MROH2B: variants seen among roughly 807,000 people sequenced by gnomAD.
MROH2B encodes the protein maestro heat like repeat family member 2B.
In MROH2B, 177 loss-of-function variants were observed where a neutral mutation model predicts 208.6. The observed-to-expected ratio is 0.85, with a 90% CI of 0.75 to 0.96. MROH2B has a LOEUF of 0.96. Ranked by LOEUF, MROH2B falls within the 40% of genes least tolerant of loss-of-function variation. MROH2B has a pLI of 0.00. For synonymous variants in MROH2B, 728 were observed against 659.0 expected, an observed-to-expected ratio of 1.10 and a Z score of -1.60; for missense variants, 2,002 against 1,878.7, an observed-to-expected ratio of 1.07 and a Z score of -1.21.
chr5:41,019,190 C>A (rs1742061515), intron 24 of MROH2B, among the ~76,000 whole-genome samples, 172 bp from the exon 25 acceptor site: 1 of 152,164 alleles, frequency 6.6e-6, no homozygotes, highest in African/African-American at 2.4e-5. Flanking sequence ...GATGGGAACA[C>A]AGAATCAGAC....
Position 41,068,022 on chromosome 5 carries a change from A to G in MROH2B, c.91-804T>C, listed in dbSNP as rs566894097. ...GCAGACAGAAAGTTGTGGACATTTT[A>G]GACAGGGCCTCCAGTTGTGTGGCTT... On this transcript the variant is annotated intron_variant, in intron 2 of 41. Transcript: ENST00000399564. Among the ~76,000 whole-genome samples the G allele has an allele frequency of 1.3e-4, 20 of 152,250 alleles. 2 individuals are homozygous for G. In the South Asian group the frequency reaches 4.1e-3, roughly 32 times the overall value.
Position 41,057,311 on chromosome 5 carries a change from G to A in MROH2B, c.806C>T (p.Pro269Leu). The change falls in exon 8 of 42, where the codon CCA (proline) becomes CTA (leucine). Residue 269 changes from proline to leucine, a missense_variant. Coordinates refer to ENST00000399564, the MANE Select transcript of MROH2B (RefSeq NM_173489.5). ...AAAGATGGATCTTCTCAAGCTCCTT[G>A]GAAGGCCAATGTCATAAAGAACTGC... ...TAAVLYDIGL[P>L]RSLRRSIFIN... 2 of 1,593,604 alleles carry A rather than the reference G, an allele frequency of 1.3e-6. No individual in the cohort carries two copies. The highest frequency in any genetic ancestry group is 1.7e-6 in the Non-Finnish European group (2 of 1,169,210).
chr5:41,025,863 G>C (rs1742339631), intron 24 of MROH2B, among the ~76,000 whole-genome samples: 1 of 152,182 alleles, frequency 6.6e-6, no homozygotes, highest in Non-Finnish European at 1.5e-5. Context: ...TCATCCCAGG[G>C]ATGCAAGGCT....
chr5:41,070,945 A>C lies in MROH2B; in HGVS notation c.-93T>G. 224 of 1,298,410 alleles carry C rather than the reference A, an allele frequency of 1.7e-4. No homozygotes were observed. The highest frequency in any genetic ancestry group is 2.2e-4 in the Non-Finnish European group (204 of 915,416). 80.4% of individuals were successfully genotyped at this position (1,298,410 alleles called of 1,614,324 possible). A position where few individuals can be genotyped will look rare whatever the true frequency, so the allele number is the denominator to read the frequency against. ...AAAGAGGCAGGTTGGCAAGTTTCTC[A>C]TATAAGGTTCACATAAGCCTCTCTA... On this transcript the variant is annotated 5_prime_UTR_variant, in exon 1 of 42. The change abolishes an upstream ATG in the 5' untranslated region. Transcript: ENST00000399564.
chr5:41,070,966 C>G lies in MROH2B; in HGVS notation c.-114G>C, dbSNP rs996020274. On this transcript the variant is annotated 5_prime_UTR_variant, in exon 1 of 42. Transcript: ENST00000399564. ...TCTCATATAAGGTTCACATAAGCCT[C>G]TCTAAATGAAAGTGCCTCCTCCACT... 10 of 1,058,576 alleles carry G rather than the reference C, an allele frequency of 9.4e-6. No individual in the cohort carries two copies. In the African/African-American group the frequency reaches 1.6e-4, roughly 17 times the overall value. The allele number at this position is 1,058,576 out of a possible 1,614,324, so 65.6% of individuals were successfully genotyped here. A position where few individuals can be genotyped will look rare whatever the true frequency, so the allele number is the denominator to read the frequency against.
chr5:41,064,567 GA>G lies in MROH2B; in HGVS notation c.364del (p.Ser122ProfsTer7), dbSNP rs774263608. ...CATCATCATGAAAGGAATACTCTGG[GA>G]CACTGGAGGGAGAGGCAGAAAGGAG... Reference protein sequence around the residue: ...ALAELATSYVSQSIPFMMMTL... With the variant: ...ALAELATSYVXQSIPFMMMTL... On this transcript the variant is annotated frameshift_variant and splice_region_variant, in exon 5 of 42. Coordinates refer to ENST00000399564, the MANE Select transcript of MROH2B (RefSeq NM_173489.5). LOFTEE classifies it high-confidence loss of function. 2 of 1,610,720 alleles carry G rather than the reference GA, an allele frequency of 1.2e-6. No homozygotes were observed. Among genetic ancestry groups the G allele is most frequent in the South Asian group, 2.2e-5 (2 of 90,596 alleles).
In MROH2B at chr5:41,064,555, G is replaced by A. The variant is rs1743741868; in HGVS notation, c.377C>T (p.Pro126Leu). ...LATSYVSQSI[P>L]FMMMTLLTMQ... ...GGTGAGCAGGGTCATCATCATGAAA[G>A]GAATACTCTGGGACACTGGAGGGAG... The change falls in exon 5 of 42, where the codon CCT becomes CTT. Residue 126 changes from proline to leucine, a missense_variant. Coordinates refer to ENST00000399564, the MANE Select transcript of MROH2B (RefSeq NM_173489.5). 7 of 1,612,922 alleles carry A rather than the reference G, an allele frequency of 4.3e-6. No homozygotes were observed. Among genetic ancestry groups the A allele is most frequent in the African/African-American group, 4.0e-5 (3 of 74,890 alleles).
intron 13 of MROH2B, among the ~76,000 whole-genome samples, chr5:41,050,215 T>C (rs1579949383): frequency 2.0e-5 from 3 of 152,224 alleles, no homozygotes; most frequent in Non-Finnish European, 2.9e-5. Flanking sequence ...AATGTTTAGC[T>C]CTTGCTTAAA....
intron 30 of MROH2B, among the ~76,000 whole-genome samples, chr5:41,010,582 G>A (rs1347645350): frequency 6.6e-6 from 1 of 152,184 alleles, no homozygotes; most frequent in Non-Finnish European, 1.5e-5. Context: ...GGGCATCCTT[G>A]TCAGAAAGAA....
chr5:41,036,764 C>T (rs1471135193), intron 21 of MROH2B, among the ~76,000 whole-genome samples: 3 of 151,980 alleles, frequency 2.0e-5, no homozygotes, highest in East Asian at 1.9e-4. Flanking sequence ...CAAACCTGCA[C>T]GTGTACCTCC....
chr5:41,056,885 C>G (rs1417301153), intron 9 of MROH2B, among the ~76,000 whole-genome samples: 4 of 151,816 alleles, frequency 2.6e-5, no homozygotes, highest in Non-Finnish European at 5.9e-5. Flanking sequence ...CTGGACCTAT[C>G]CCAGTCGTGG....
At chr5:41,018,466 T>A in intron 26 of MROH2B, 36 bp from the exon 27 acceptor site, 1 of 1,585,470 alleles carries the variant, frequency 6.3e-7, no homozygotes, top group Non-Finnish European at 8.6e-7. Flanking sequence ...TTCCTTAGTA[T>A]TCTTCATATT....
At chr5:41,069,372 C>A (rs577972008) in intron 2 of MROH2B, among the ~76,000 whole-genome samples, 120 of 152,180 alleles carry the variant, frequency 7.9e-4, no homozygotes, top group African/African-American at 2.8e-3. Context: ...TTTGTAACAA[C>A]CCTCAAATTA....
rs1741370445 is a variant in MROH2B, at chr5:41,000,730, CTCT to C, written c.4295_4297del (p.Lys1432del). 1 of 1,612,170 alleles carries C rather than the reference CTCT, an allele frequency of 6.2e-7. No homozygotes were observed. Among genetic ancestry groups the C allele is most frequent in the East Asian group, 2.2e-5 (1 of 44,862 alleles). ...AAGGTGCAGAAGGAATGAAATCAGG[CTCT>C]TTTTTATTTCTTCAGCAAAAAAAAT... On this transcript the variant is annotated inframe_deletion, in exon 38 of 42. Coordinates refer to ENST00000399564, the MANE Select transcript of MROH2B (RefSeq NM_173489.5).
intron 18 of MROH2B, among the ~76,000 whole-genome samples, chr5:41,042,875 G>T (rs1742998949): frequency 6.6e-6 from 1 of 152,214 alleles, no homozygotes; most frequent in South Asian, 2.1e-4. Context: ...GAAGTGCTGG[G>T]ATTTCAGGTA....
At chr5:41,032,903 T>C (rs1742621974) in intron 23 of MROH2B, 82 bp from the exon 24 acceptor site, 4 of 1,542,806 alleles carry the variant, frequency 2.6e-6, no homozygotes, top group Non-Finnish European at 3.5e-6. Context: ...ATCAGACCAT[T>C]GGGTGCCCTG....
At position 41,008,610 on chromosome 5, in the gene MROH2B, A is replaced by C. The variant is rs768495773; in HGVS notation, c.3604T>G (p.Cys1202Gly). 5.6e-6 allele frequency: 9 copies of C among 1,613,362 alleles called. No individual in the cohort carries two copies. In the East Asian group the frequency reaches 2.0e-4, roughly 36 times the overall value. Residue 1202 changes from cysteine (C) to glycine (G), a missense_variant, in exon 33 of 42, where the codon TGC becomes GGC. Cys to Gly is a radical substitution (Grantham distance 159). Transcript: ENST00000399564. ...QGEQQQIPDP[C>G]RLSTATLKCL... ...GCTTCCTGATTGGCCGTTTACCTGC[A>C]GGGGTCTGGGATCTGCTGCTGTTCT...
intron 6 of MROH2B, among the ~76,000 whole-genome samples, chr5:41,059,673 T>G (rs559078513): frequency 6.6e-6 from 1 of 152,320 alleles, no homozygotes; most frequent in African/African-American, 2.4e-5. Context: ...ACATCTTTGC[T>G]TCTTGAAAAC....
rs777308266 is a variant in MROH2B at position 41,065,307 on chromosome 5, A to C, written c.361+24T>G. 30 of 1,589,488 alleles carry C rather than the reference A, an allele frequency of 1.9e-5. No homozygotes were observed. In the East Asian group the frequency reaches 6.3e-4, roughly 33 times the overall value. Reference sequence around the variant, plus strand: ...TTAGAAGTTGTCATTTCCCAGGGAAAATTGGAGAATATTCCCGCTATACCA... The same window carrying C: ...TTAGAAGTTGTCATTTCCCAGGGAACATTGGAGAATATTCCCGCTATACCA... On this transcript the variant is annotated intron_variant, in intron 4 of 41. Coordinates refer to ENST00000399564, the MANE Select transcript of MROH2B (RefSeq NM_173489.5).
Sources: gnomAD v4.1 joint callset for allele counts (sites outside exome capture counted in the v4.1 genomes callset) on GRCh38, gnomAD v4.1.1 for gene constraint, MANE v1.5 for transcripts, NCBI Gene and HGNC (gene_info 2026-07-23, HGNC 2026-07-21) for gene names.